CHRNA7: variants seen among roughly 807,000 people sequenced by gnomAD.
The protein encoded by CHRNA7 is cholinergic receptor nicotinic alpha 7 subunit.
CHRNA7 carries 17 observed loss-of-function variants against 48.0 expected under a neutral mutation model. That is an observed-to-expected ratio of 0.35 (90% CI 0.24 to 0.53). CHRNA7 has a LOEUF of 0.53. CHRNA7 is among the 20% of genes least tolerant of loss of function. The probability of loss-of-function intolerance (pLI) is 0.92; values close to 1 mark genes in which losing one functional copy is unlikely to be tolerated. For synonymous variants in CHRNA7, 75 were observed against 242.3 expected, an observed-to-expected ratio of 0.31 and a Z score of 6.41; for missense variants, 155 against 577.7, an observed-to-expected ratio of 0.27 and a Z score of 7.50.
chr15:32,164,991 A>G (rs1408047661), intron 9 of CHRNA7, among the ~76,000 whole-genome samples: 2 of 120,102 alleles, frequency 1.7e-5, no homozygotes, highest in African/African-American at 6.4e-5. Context: ...AGCTCAGCCT[A>G]CATGGTGATG....
intron 2 of CHRNA7, among the ~76,000 whole-genome samples, chr15:32,046,569 G>A (rs1254126837): frequency 1.3e-5 from 2 of 151,710 alleles, no homozygotes; most frequent in Non-Finnish European, 2.9e-5. Context: ...CTGGATATTA[G>A]CCCTTTGTCA....
intron 3 of CHRNA7, among the ~76,000 whole-genome samples, chr15:32,109,058 A>G (rs1029763996): frequency 1.3e-5 from 2 of 152,200 alleles, no homozygotes; most frequent in Non-Finnish European, 2.9e-5. Flanking sequence ...AGTGTGAGAA[A>G]GAATTCAGGG....
At position 32,030,958 on chromosome 15, in the gene CHRNA7, C is replaced by T. The variant is rs1901803026; in HGVS notation, c.116C>T (p.Pro39Leu). The T allele has an allele frequency of 1.9e-6, 3 of 1,614,192 alleles. No individual in the cohort carries two copies. The highest frequency in any genetic ancestry group is 1.7e-6 in the Non-Finnish European group (2 of 1,180,022). ...AAGGAGCTGGTCAAGAACTACAATC[C>T]CTTGGAGAGGCCCGTGGCCAATGAC... ...LYKELVKNYN[P>L]LERPVANDSQ... Residue 39 changes from proline (P) to leucine (L), a missense_variant, in exon 2 of 10, where the codon CCC becomes CTC. Transcript: ENST00000306901.
chr15:32,115,507 C>T (rs2050853918), intron 4 of CHRNA7, among the ~76,000 whole-genome samples: 1 of 152,032 alleles, frequency 6.6e-6, no homozygotes, highest in Non-Finnish European at 1.5e-5. Context: ...ACCCTGTAGC[C>T]TCGTCCACTC....
In CHRNA7 at chr15:32,113,293, C is replaced by T. The variant is rs2050794253; in HGVS notation, c.350+1394C>T. Among the ~76,000 whole-genome samples the T allele has an allele frequency of 2.6e-5, 4 of 152,284 alleles. No homozygotes were observed. In the South Asian group the frequency reaches 8.3e-4, roughly 32 times the overall value. ...TGCCCTAGTCTCCTCTTCCTGTAAG[C>T]ACTGCAGTCAAATTAGAGTAGGGCC... On this transcript the variant is annotated intron_variant, in intron 4 of 9. Coordinates refer to ENST00000306901, the MANE Select transcript of CHRNA7 (RefSeq NM_000746.6).
chr15:32,147,191 A>G (rs1211590908), intron 4 of CHRNA7, among the ~76,000 whole-genome samples: 1 of 152,212 alleles, frequency 6.6e-6, no homozygotes, highest in South Asian at 2.1e-4. Context: ...AGTGGGAGCT[A>G]AACACTGGGT....
intron 2 of CHRNA7, among the ~76,000 whole-genome samples, chr15:32,059,224 G>A (rs1478503276): frequency 2.6e-5 from 4 of 152,090 alleles, no homozygotes; most frequent in Non-Finnish European, 4.4e-5. Flanking sequence ...GGCTGGTCTC[G>A]AACTCCTGAC....
At chr15:32,118,272 C>T (rs1387062439) in intron 4 of CHRNA7, among the ~76,000 whole-genome samples, 1 of 152,198 alleles carries the variant, frequency 6.6e-6, no homozygotes, top group South Asian at 2.1e-4. Flanking sequence ...CTCCCAGCAT[C>T]CATACTGTAA....
At chr15:32,114,129 TACAC>T (rs551550393) in intron 4 of CHRNA7, among the ~76,000 whole-genome samples, 152 of 142,744 alleles carry the variant, frequency 1.1e-3, no homozygotes, top group African/African-American at 3.3e-3. Context: ...TACATATACA[TACAC>T]ACACACACAC....
rs2051569426 is a variant in CHRNA7, at chr15:32,149,363, T to TC, written c.351-4540dup. ...ACTGTTGGCTGGCATCTGTCGGGCATCCCCGGGGAAGCTGCGCCGGTGCTG... is the reference window on the plus strand; with the variant it reads ...ACTGTTGGCTGGCATCTGTCGGGCATCCCCCGGGGAAGCTGCGCCGGTGCTG... On this transcript the variant is annotated intron_variant, in intron 4 of 9. Transcript: ENST00000306901. This position sits in a 1 kb window ranked among gnomAD's most constrained non-coding sequence, Gnocchi z 4.6. 6.6e-6 allele frequency among the ~76,000 whole-genome samples: 1 copy of TC among 152,134 alleles called. No individual in the cohort carries two copies. The highest frequency in any genetic ancestry group is 1.5e-5 in the Non-Finnish European group (1 of 68,036).
intron 3 of CHRNA7, among the ~76,000 whole-genome samples, chr15:32,111,005 G>A (rs61573551): frequency 0.13 from 19,548 of 152,130 alleles, 1,634 homozygotes; most frequent in East Asian, 0.35. Context: ...GTGGGGTGGT[G>A]CTGGTTATGT....
chr15:32,082,469 A>T (rs1004373198), intron 2 of CHRNA7, among the ~76,000 whole-genome samples: 1 of 152,106 alleles, frequency 6.6e-6, no homozygotes, highest in Non-Finnish European at 1.5e-5. Flanking sequence ...AGCAGGTTAT[A>T]TGTAAGATGA....
chr15:32,046,629 C>T lies in CHRNA7; in HGVS notation c.195+15592C>T, dbSNP rs558399935. On this transcript the variant is annotated intron_variant, in intron 2 of 9. Coordinates refer to ENST00000306901, the MANE Select transcript of CHRNA7 (RefSeq NM_000746.6). ...TCCCATTTTGTGGGTTGCCTGTTCA[C>T]TCTGATGGTAGTTTCTTTTGCTGTG... 5.1e-4 allele frequency among the ~76,000 whole-genome samples: 77 copies of T among 152,204 alleles called. No individual in the cohort carries two copies. In the East Asian group the frequency reaches 8.3e-3, roughly 16 times the overall value.
At chr15:32,035,697 A>C (rs1005192528) in intron 2 of CHRNA7, among the ~76,000 whole-genome samples, 41 of 152,238 alleles carry the variant, frequency 2.7e-4, no homozygotes, top group African/African-American at 9.4e-4. Context: ...AAATACTGTC[A>C]AATATTATAA....
At chr15:32,070,889 G>A (rs1045463553) in intron 2 of CHRNA7, among the ~76,000 whole-genome samples, 14 of 151,570 alleles carry the variant, frequency 9.2e-5, no homozygotes, top group African/African-American at 2.4e-4. Flanking sequence ...GGGTTTCACC[G>A]TGTTAGCCAG....
At chr15:32,067,919 C>T (rs1162037000) in intron 2 of CHRNA7, among the ~76,000 whole-genome samples, 1 of 152,138 alleles carries the variant, frequency 6.6e-6, no homozygotes, top group African/African-American at 2.4e-5. Flanking sequence ...GAAAATGGTA[C>T]AGTGGAGAAC....
intron 2 of CHRNA7, among the ~76,000 whole-genome samples, chr15:32,059,089 C>T (rs1040861547): frequency 2.0e-5 from 3 of 151,886 alleles, no homozygotes; most frequent in Non-Finnish European, 4.4e-5. Context: ...CTGCAACCTC[C>T]GCCTCCTGGG....
intron 4 of CHRNA7, among the ~76,000 whole-genome samples, chr15:32,144,771 C>G (rs554525188): frequency 1.1e-4 from 17 of 152,302 alleles, no homozygotes; most frequent in South Asian, 2.1e-4. Flanking sequence ...TCCATCAGGT[C>G]ATTTCAGGTC....
At chr15:32,148,767 G>T (rs1435557298) in intron 4 of CHRNA7, among the ~76,000 whole-genome samples, 2 of 152,230 alleles carry the variant, frequency 1.3e-5, no homozygotes, top group Non-Finnish European at 2.9e-5. Context: ...GCAACATGGT[G>T]TAAGCAAACA....
Sources: allele counts gnomAD v4.1 joint callset (sites outside exome capture counted in the v4.1 genomes callset), GRCh38; gene constraint gnomAD v4.1.1; non-coding constraint Gnocchi (gnomAD v3.1); transcripts MANE v1.5; gene names NCBI Gene and HGNC (gene_info 2026-07-23, HGNC 2026-07-21).